The following THSD7B variants were observed in gnomAD, a reference collection of about 807,000 sequenced individuals.
THSD7B encodes the protein thrombospondin type-1 domain-containing protein 7B.
A neutral mutation model predicts 213.6 loss-of-function variants in THSD7B; 138 were observed. That is an observed-to-expected ratio of 0.65 (90% confidence interval 0.56 to 0.74). THSD7B has a LOEUF of 0.74. Ranked by LOEUF, THSD7B falls within the 30% of genes least tolerant of loss-of-function variation. THSD7B has a pLI of 0.00. For synonymous variants in THSD7B, 742 were observed against 687.0 expected, an observed-to-expected ratio of 1.08 and a Z score of -1.25; for missense variants, 1,931 against 1,991.5, an observed-to-expected ratio of 0.97 and a Z score of 0.58.
At chr2:137,372,665 G>A (rs1685557602) in intron 12 of THSD7B, among the ~76,000 whole-genome samples, 1 of 151,740 alleles carries the variant, frequency 6.6e-6, no homozygotes, top group Admixed American at 6.6e-5. Context: ...GTTAAGGGGA[G>A]TTGTAGAAGC....
rs115132370 is a variant in THSD7B at position 136,996,853 on chromosome 2, G to A, written c.140-59567G>A. ...CCTTTAATTTTACTAATGAAATATT[G>A]CACTCTCTCTGATGTTGGACTAAAT... On this transcript the variant is annotated intron_variant, in intron 2 of 27. Transcript: ENST00000409968. 3.4e-3 allele frequency among the ~76,000 whole-genome samples: 510 copies of A among 152,234 alleles called. 1 individual carries two copies. Among genetic ancestry groups the A allele is most frequent in the African/African-American group, 0.012 (483 of 41,542 alleles).
intron 15 of THSD7B, among the ~76,000 whole-genome samples, chr2:137,527,032 A>G (rs1451623718): frequency 1.3e-5 from 2 of 152,178 alleles, no homozygotes; most frequent in Non-Finnish European, 2.9e-5. Flanking sequence ...ATAATTTTGG[A>G]AAGGGAATGA....
At chr2:137,661,634 C>G (rs1683346267) in intron 25 of THSD7B, among the ~76,000 whole-genome samples, 1 of 152,000 alleles carries the variant, frequency 6.6e-6, no homozygotes, top group Admixed American at 6.6e-5. Context: ...AGTATTTGAA[C>G]AAGAGTGAAA....
chr2:136,859,882 C>A (rs1683233113), intron 1 of THSD7B, among the ~76,000 whole-genome samples: 1 of 152,158 alleles, frequency 6.6e-6, no homozygotes, highest in South Asian at 2.1e-4. Context: ...GACTGACCAT[C>A]CCTTTTCCCT....
intron 12 of THSD7B, among the ~76,000 whole-genome samples, chr2:137,348,703 CTTTTTTT>C (rs80150345): frequency 7.2e-5 from 8 of 110,908 alleles, no homozygotes; most frequent in South Asian, 3.3e-4. Context: ...CTATGAACTC[CTTTTTTT>C]TTTTTTTTTT....
At chr2:137,379,818 C>CT (rs1297193758) in intron 12 of THSD7B, among the ~76,000 whole-genome samples, 3 of 152,290 alleles carry the variant, frequency 2.0e-5, no homozygotes, top group Non-Finnish European at 4.4e-5. Context: ...AATGCTAATG[C>CT]TAGCTGTCCA....
intron 14 of THSD7B, among the ~76,000 whole-genome samples, chr2:137,428,974 T>C (rs1036515227): frequency 1.3e-5 from 2 of 152,196 alleles, no homozygotes; most frequent in Non-Finnish European, 2.9e-5. Context: ...AGTTACTGTA[T>C]GAAGGAAAGA....
intron 12 of THSD7B, among the ~76,000 whole-genome samples, chr2:137,357,214 C>T (rs528211019): frequency 2.0e-5 from 3 of 152,076 alleles, no homozygotes; most frequent in Non-Finnish European, 2.9e-5. Flanking sequence ...AAATTTTAAA[C>T]GAATTAAATT....
chr2:137,391,762 T>C (rs1686033789), intron 12 of THSD7B, among the ~76,000 whole-genome samples: 1 of 152,150 alleles, frequency 6.6e-6, no homozygotes, highest in Non-Finnish European at 1.5e-5. Context: ...ATCTGATCTT[T>C]TTATTTCTTT....
chr2:137,502,071 T>G (rs1294138544), intron 15 of THSD7B, among the ~76,000 whole-genome samples: 3 of 152,162 alleles, frequency 2.0e-5, no homozygotes, highest in African/African-American at 7.2e-5. Context: ...CAATAAATGA[T>G]GTGTAGTGAA....
intron 15 of THSD7B, among the ~76,000 whole-genome samples, chr2:137,467,682 G>A (rs1006653789): frequency 6.6e-6 from 1 of 152,158 alleles, no homozygotes; most frequent in African/African-American, 2.4e-5. Flanking sequence ...ATTAAGTAAT[G>A]TTTTAAGTCA....
chr2:137,675,924 G>A (rs1411643171), intron 27 of THSD7B, among the ~76,000 whole-genome samples: 1 of 152,238 alleles, frequency 6.6e-6, no homozygotes, highest in Non-Finnish European at 1.5e-5. Context: ...GCATCACTGT[G>A]TGATTTGGGA....
At chr2:137,627,262 C>A (rs994354746) in intron 20 of THSD7B, among the ~76,000 whole-genome samples, 3 of 152,162 alleles carry the variant, frequency 2.0e-5, no homozygotes, top group Non-Finnish European at 4.4e-5. Context: ...CACCTATGAC[C>A]CAAATACCTC....
At chr2:137,195,754 T>C (rs1304565521) in intron 7 of THSD7B, among the ~76,000 whole-genome samples, 1 of 152,128 alleles carries the variant, frequency 6.6e-6, no homozygotes, top group African/African-American at 2.4e-5. Context: ...AAAAAATCAG[T>C]ATTCGTAACC....
At chr2:137,045,634 A>T (rs1197212267) in intron 2 of THSD7B, among the ~76,000 whole-genome samples, 1 of 152,236 alleles carries the variant, frequency 6.6e-6, no homozygotes, top group Non-Finnish European at 1.5e-5. Flanking sequence ...AGAATCTGAT[A>T]TGCAATTCTC....
At chr2:137,520,274 G>T (rs1286417912) in intron 15 of THSD7B, among the ~76,000 whole-genome samples, 1 of 152,050 alleles carries the variant, frequency 6.6e-6, no homozygotes. Context: ...CAGCTTTATT[G>T]TTCTGTTTCA....
At chr2:136,793,314 G>A (rs1045180495) in intron 1 of THSD7B, among the ~76,000 whole-genome samples, 6 of 151,852 alleles carry the variant, frequency 4.0e-5, no homozygotes, top group Admixed American at 3.9e-4. Context: ...GTTTTAATTT[G>A]CATTGCCTAC....
chr2:137,553,387 T>C (rs1216395546), intron 15 of THSD7B, among the ~76,000 whole-genome samples: 1 of 152,140 alleles, frequency 6.6e-6, no homozygotes, highest in Non-Finnish European at 1.5e-5. Flanking sequence ...CGCTTCCAAG[T>C]TTATGGCAGG....
At chr2:136,841,940 C>A (rs1682926905) in intron 1 of THSD7B, among the ~76,000 whole-genome samples, 1 of 152,120 alleles carries the variant, frequency 6.6e-6, no homozygotes, top group Non-Finnish European at 1.5e-5. Flanking sequence ...TGTATCCTGA[C>A]CTTCTGCAAA....
Sources: allele counts gnomAD v4.1 joint callset (sites outside exome capture counted in the v4.1 genomes callset), GRCh38; gene constraint gnomAD v4.1.1; transcripts MANE v1.5; gene names NCBI Gene and HGNC (gene_info 2026-07-23, HGNC 2026-07-21).